The following NUDT9 variants were observed in gnomAD, a reference collection of about 807,000 sequenced individuals.
NUDT9 encodes the protein nudix hydrolase 9.
A neutral mutation model predicts 41.0 loss-of-function variants in NUDT9; 31 were observed. The ratio of observed to expected loss-of-function variants is 0.76; its 90% CI spans 0.57 to 1.02. The LOEUF is 1.02. NUDT9 is among the 50% of genes least tolerant of loss of function. NUDT9 has a pLI of 0.00. For missense variants in NUDT9, 380 were observed against 431.4 expected, an observed-to-expected ratio of 0.88 and a Z score of 1.06; for synonymous variants, 146 against 147.6, an observed-to-expected ratio of 0.99 and a Z score of 0.08.
intron 7 of NUDT9, among the ~76,000 whole-genome samples, chr4:87,457,241 T>C (rs1448541332): frequency 6.7e-6 from 1 of 148,306 alleles, no homozygotes; most frequent in Admixed American, 6.7e-5. Context: ...TTTAAATTTT[T>C]TTTTTTTTTT....
intron 2 of NUDT9, among the ~76,000 whole-genome samples, chr4:87,436,762 G>A (rs986784692): frequency 2.9e-4 from 44 of 152,136 alleles, no homozygotes; most frequent in Admixed American, 2.7e-3. Flanking sequence ...CATTGAAATT[G>A]GAAATTATTC....
At chr4:87,426,537 G>A (rs140961278) in intron 1 of NUDT9, among the ~76,000 whole-genome samples, 1 of 151,984 alleles carries the variant, frequency 6.6e-6, no homozygotes, top group African/African-American at 2.4e-5. Flanking sequence ...AGCCTAGTGA[G>A]TAGCTAGGAT....
chr4:87,435,570 A>G (rs1721891244), intron 2 of NUDT9, among the ~76,000 whole-genome samples: 2 of 152,216 alleles, frequency 1.3e-5, no homozygotes, highest in Admixed American at 6.5e-5. Flanking sequence ...TATCAATAGA[A>G]TATCCTTTGT....
chr4:87,425,242 G>C (rs1424850405), intron 1 of NUDT9, among the ~76,000 whole-genome samples: 1 of 151,904 alleles, frequency 6.6e-6, no homozygotes, highest in Non-Finnish European at 1.5e-5. Context: ...CTCACTATCA[G>C]TAGGATCAGA....
At position 87,433,044 on chromosome 4, in the gene NUDT9, C is replaced by T. The variant is rs7660018; in HGVS notation, c.108-1937C>T. Among the ~76,000 whole-genome samples the T allele has an allele frequency of 5.9e-5, 9 of 151,998 alleles. 1 individual carries two copies. The East Asian group carries it at 1.2e-3, about 20-fold the overall frequency. On this transcript the variant is annotated intron_variant, in intron 1 of 7. Transcript: ENST00000302174. ...TTTGGAAGTGTTTACTTCCTCTTCA[C>T]GTTTTTGGAAGAGTTGAGGGAATAT...
In NUDT9 at chr4:87,450,525, A is replaced by G. The variant is rs1722666670; in HGVS notation, c.643-1064A>G. Among the ~76,000 whole-genome samples the G allele has an allele frequency of 4.6e-5, 7 of 150,974 alleles. No individual in the cohort carries two copies. The South Asian group carries it at 1.5e-3, about 32-fold the overall frequency. Reference sequence around the variant, plus strand: ...TCCCGAGTAGCTGGGATTATAGGCGACCACCACCACACCTAGCTAATTTTT... The same window carrying G: ...TCCCGAGTAGCTGGGATTATAGGCGGCCACCACCACACCTAGCTAATTTTT... On this transcript the variant is annotated intron_variant, in intron 5 of 7. Transcript: ENST00000302174.
chr4:87,423,275 ATTGT>A (rs1344891594), intron 1 of NUDT9, among the ~76,000 whole-genome samples: 1 of 152,172 alleles, frequency 6.6e-6, no homozygotes, highest in African/African-American at 2.4e-5. Context: ...TTAAATAGCA[ATTGT>A]TTGGGGTGGT....
intron 4 of NUDT9, among the ~76,000 whole-genome samples, chr4:87,443,501 C>G (rs1405267293): frequency 6.6e-6 from 1 of 152,190 alleles, no homozygotes; most frequent in Non-Finnish European, 1.5e-5. Context: ...GAATCCTAAG[C>G]TGGTTCTCTG....
chr4:87,429,687 C>T (rs925115526), intron 1 of NUDT9, among the ~76,000 whole-genome samples: 4 of 147,078 alleles, frequency 2.7e-5, no homozygotes, highest in Admixed American at 1.4e-4. Flanking sequence ...TCTCTCTCCC[C>T]GTTTCCCCCC....
chr4:87,438,076 G>T (rs1722033883), intron 2 of NUDT9, among the ~76,000 whole-genome samples: 1 of 150,226 alleles, frequency 6.7e-6, no homozygotes. Flanking sequence ...GTAATGTGTG[G>T]TGTTTTGGTT....
chr4:87,431,127 G>A (rs994963808), intron 1 of NUDT9, among the ~76,000 whole-genome samples: 2 of 152,124 alleles, frequency 1.3e-5, no homozygotes, highest in African/African-American at 4.8e-5. Context: ...ATGGTGAAAG[G>A]TAAGGGTCAA....
intron 1 of NUDT9, among the ~76,000 whole-genome samples, chr4:87,431,875 A>G (rs955457142): frequency 2.0e-5 from 3 of 152,052 alleles, no homozygotes; most frequent in Non-Finnish European, 4.4e-5. Context: ...TAGTAGAGAC[A>G]GGGTTTCGCC....
In NUDT9 at chr4:87,458,276, A is replaced by T. The variant is rs1723077017; in HGVS notation, c.*255A>T. 3.3e-6 allele frequency: 1 copy of T among 302,628 alleles called. No homozygotes were observed. The highest frequency in any genetic ancestry group is 5.0e-5 in the Admixed American group (1 of 20,096). 18.7% of individuals were successfully genotyped at this position (302,628 alleles called of 1,614,324 possible). On this transcript the variant is annotated 3_prime_UTR_variant, in exon 8 of 8. Coordinates refer to ENST00000302174, the MANE Select transcript of NUDT9 (RefSeq NM_024047.5). ...TGTATTCGATTTAAGCATGGCTTAA[A>T]TTAAATTTAAACAACTAATGCTCTT...
At chr4:87,454,115 A>C (rs1388883614) in intron 6 of NUDT9, among the ~76,000 whole-genome samples, 2 of 151,600 alleles carry the variant, frequency 1.3e-5, no homozygotes, top group Non-Finnish European at 2.9e-5. Flanking sequence ...CACCCGCCTC[A>C]GCCTCCCAAA....
chr4:87,426,488 C>A (rs1247278144), intron 1 of NUDT9, among the ~76,000 whole-genome samples: 1 of 151,814 alleles, frequency 6.6e-6, no homozygotes, highest in Non-Finnish European at 1.5e-5. Flanking sequence ...TGGCTCTCTG[C>A]AACTTGTGCC....
intron 1 of NUDT9, among the ~76,000 whole-genome samples, chr4:87,431,883 G>T (rs564974268): frequency 2.0e-4 from 30 of 152,090 alleles, no homozygotes; most frequent in Non-Finnish European, 5.9e-5. Context: ...ACAGGGTTTC[G>T]CCATGTTGGC....
At chr4:87,424,063 A>G (rs1011512848) in intron 1 of NUDT9, among the ~76,000 whole-genome samples, 2 of 152,042 alleles carry the variant, frequency 1.3e-5, no homozygotes, top group Admixed American at 6.5e-5. Flanking sequence ...TTTCTAAAAA[A>G]CTTTTGATTT....
At chr4:87,437,516 A>ATT (rs531281804) in intron 2 of NUDT9, among the ~76,000 whole-genome samples, 1 of 150,784 alleles carries the variant, frequency 6.6e-6, no homozygotes, top group Admixed American at 6.6e-5. Context: ...AATTTTTTGT[A>ATT]TTTTTTTAGT....
At chr4:87,445,834 T>C (rs1444159902) in intron 4 of NUDT9, among the ~76,000 whole-genome samples, 1 of 152,208 alleles carries the variant, frequency 6.6e-6, no homozygotes, top group Non-Finnish European at 1.5e-5. Context: ...GCTACTCTGC[T>C]TAAAATCCAT....
Sources: allele counts gnomAD v4.1 joint callset (sites outside exome capture counted in the v4.1 genomes callset), GRCh38; gene constraint gnomAD v4.1.1; transcripts MANE v1.5; gene names NCBI Gene and HGNC (gene_info 2026-07-23, HGNC 2026-07-21).